The following DIAPH2 variants were observed in gnomAD, a reference collection of about 807,000 sequenced individuals.
The protein encoded by DIAPH2 is protein diaphanous homolog 2.
Under a neutral mutation model 92.7 loss-of-function variants are expected in DIAPH2, and 35 were observed. The observed-to-expected ratio is 0.38, with a 90% CI of 0.29 to 0.50. DIAPH2 has a LOEUF of 0.50. Ranked by LOEUF, DIAPH2 falls within the 20% of genes least tolerant of loss-of-function variation. The pLI, the probability that DIAPH2 is intolerant of heterozygous loss-of-function variation, is 0.94. For synonymous variants in DIAPH2, 301 were observed against 280.4 expected, an observed-to-expected ratio of 1.07 and a Z score of -0.73; for missense variants, 701 against 819.5, an observed-to-expected ratio of 0.86 and a Z score of 1.77.
intron 23 of DIAPH2, among the ~76,000 whole-genome samples, chrX:97,331,050 T>C (rs752175831): frequency 1.5e-4 from 17 of 111,036 alleles, no homozygotes; most frequent in Admixed American, 5.8e-4. Flanking sequence ...CCTAAGATCA[T>C]GTAATTTTTT....
At chrX:97,555,500 C>T (rs2071251045) in intron 26 of DIAPH2, 1 of 679,648 alleles carries the variant, frequency 1.5e-6, no homozygotes, top group African/African-American at 2.4e-5. Context: ...ACAGAGACAT[C>T]ATTATAATGA....
chrX:96,824,528 T>C (rs2064800340), intron 4 of DIAPH2, among the ~76,000 whole-genome samples: 1 of 110,973 alleles, frequency 9.0e-6, no homozygotes, highest in Non-Finnish European at 1.9e-5. Context: ...CAGCTTTAGA[T>C]AATATATTCA....
intron 25 of DIAPH2, among the ~76,000 whole-genome samples, chrX:97,426,289 C>CTT (rs377271017): frequency 8.0e-5 from 8 of 100,390 alleles, no homozygotes; most frequent in African/African-American, 2.2e-4. Flanking sequence ...ATTTCCCTGC[C>CTT]TTTTTTTTTT....
At chrX:97,428,454 C>T (rs1388851578) in intron 25 of DIAPH2, among the ~76,000 whole-genome samples, 5 of 106,543 alleles carry the variant, frequency 4.7e-5, no homozygotes, top group African/African-American at 1.4e-4. Flanking sequence ...GCTTGAACCC[C>T]GGAGGCAGAG....
At chrX:97,542,747 A>G (rs1433622092) in intron 26 of DIAPH2, among the ~76,000 whole-genome samples, 1 of 111,275 alleles carries the variant, frequency 9.0e-6, no homozygotes, top group Non-Finnish European at 1.9e-5. Flanking sequence ...TGATGGTTAT[A>G]TCATTACGTA....
chrX:97,519,831 T>C (rs946651215), intron 26 of DIAPH2, among the ~76,000 whole-genome samples: 1 of 111,057 alleles, frequency 9.0e-6, no homozygotes, highest in African/African-American at 3.3e-5. Context: ...GGTCAAGCGA[T>C]TCTCCTGCCT....
chrX:97,558,091 G>A (rs183564192), intron 26 of DIAPH2, among the ~76,000 whole-genome samples: 79 of 111,680 alleles, frequency 7.1e-4, no homozygotes, highest in African/African-American at 2.3e-3. Context: ...TAACATCTAC[G>A]AACGAGATTA....
intron 17 of DIAPH2, among the ~76,000 whole-genome samples, chrX:97,008,342 G>A (rs991936414): frequency 9.1e-6 from 1 of 109,672 alleles, no homozygotes; most frequent in African/African-American, 3.3e-5. Flanking sequence ...GAATTTCATT[G>A]GATTTCCTCA....
intron 20 of DIAPH2, among the ~76,000 whole-genome samples, chrX:97,100,536 A>G (rs1330568583): frequency 8.9e-6 from 1 of 111,754 alleles, no homozygotes; most frequent in Non-Finnish European, 1.9e-5. Context: ...GGGCATTATG[A>G]TTTATTTAAT....
At chrX:97,000,854 G>GT (rs1359502283) in intron 17 of DIAPH2, among the ~76,000 whole-genome samples, 4 of 111,143 alleles carry the variant, frequency 3.6e-5, no homozygotes, top group Non-Finnish European at 5.7e-5. Context: ...AGGCCAATTT[G>GT]TTTTTTCTCA....
intron 23 of DIAPH2, among the ~76,000 whole-genome samples, chrX:97,248,852 A>C: frequency 8.9e-6 from 1 of 111,806 alleles, no homozygotes; most frequent in South Asian, 3.7e-4. Context: ...TTTATGTTAA[A>C]AAAAATTTTA....
At chrX:97,160,527 T>G (rs1027806434) in intron 22 of DIAPH2, among the ~76,000 whole-genome samples, 1 of 112,044 alleles carries the variant, frequency 8.9e-6, no homozygotes. Context: ...CAGTGTCAGA[T>G]ATATATATAT....
intron 24 of DIAPH2, among the ~76,000 whole-genome samples, chrX:97,366,747 A>G (rs929730475): frequency 1.8e-5 from 2 of 112,058 alleles, no homozygotes; most frequent in Non-Finnish European, 3.8e-5. Context: ...CTTTGAAGAA[A>G]GAATTGAAAA....
At chrX:97,426,118 G>C (rs2147774045) in intron 25 of DIAPH2, among the ~76,000 whole-genome samples, 1 of 109,982 alleles carries the variant, frequency 9.1e-6, no homozygotes, top group Admixed American at 9.8e-5. Context: ...GTTTATCCCT[G>C]GTCATCTAAA....
intron 9 of DIAPH2, among the ~76,000 whole-genome samples, chrX:96,923,558 T>A (rs981813704): frequency 6.2e-5 from 7 of 112,179 alleles, no homozygotes; most frequent in Non-Finnish European, 1.3e-4. Context: ...TCTCTTTTCA[T>A]ATGTTATCTT....
chrX:97,386,667 C>CAAAATAAAAAA (rs2069604155), intron 25 of DIAPH2, among the ~76,000 whole-genome samples: 1 of 103,257 alleles, frequency 9.7e-6, no homozygotes, highest in African/African-American at 3.6e-5. Context: ...GACTCTGTCT[C>CAAAATAAAAAA]AAAATAAAAA....
At chrX:97,359,116 A>G (rs2147703149) in intron 24 of DIAPH2, among the ~76,000 whole-genome samples, 1 of 111,387 alleles carries the variant, frequency 9.0e-6, no homozygotes, top group Admixed American at 9.6e-5. Context: ...ACTGTAAGCC[A>G]TCTGTAAAGA....
intron 4 of DIAPH2, among the ~76,000 whole-genome samples, chrX:96,818,849 G>T (rs180921369): frequency 2.7e-5 from 3 of 112,761 alleles, no homozygotes; most frequent in Admixed American, 9.3e-5. Flanking sequence ...TGGCACCAGT[G>T]GCCGATTTTG....
chrX:96,972,664 T>C (rs1260066765), intron 17 of DIAPH2, among the ~76,000 whole-genome samples: 1 of 110,996 alleles, frequency 9.0e-6, no homozygotes, highest in African/African-American at 3.3e-5. Context: ...TTTAAAAAGC[T>C]ACTGGGGTAC....
Sources: allele counts gnomAD v4.1 joint callset (sites outside exome capture counted in the v4.1 genomes callset), GRCh38; gene constraint gnomAD v4.1.1; transcripts MANE v1.5; gene names NCBI Gene and HGNC (gene_info 2026-07-23, HGNC 2026-07-21).